The following GPATCH2 variants were observed in gnomAD, a reference collection of about 807,000 sequenced individuals.
GPATCH2 encodes the protein G-patch domain containing 2, also known as G patch domain-containing protein 2.
GPATCH2 carries 51 observed loss-of-function variants against 58.0 expected under a neutral mutation model. The ratio of observed to expected loss-of-function variants is 0.88; its 90% confidence interval spans 0.70 to 1.11. GPATCH2 has a LOEUF of 1.11. Among genes scored for constraint, GPATCH2 ranks in the 50% most tolerant of loss-of-function variants. The pLI, the probability that GPATCH2 is intolerant of heterozygous loss-of-function variation, is 0.00. For synonymous variants in GPATCH2, 222 were observed against 218.5 expected (o/e 1.02, Z -0.14); for missense variants, 625 against 652.2 (o/e 0.96, Z 0.45).
intron 5 of GPATCH2, among the ~76,000 whole-genome samples, chr1:217,550,106 G>T (rs969229732): frequency 3.3e-5 from 5 of 152,020 alleles, no homozygotes; most frequent in Non-Finnish European, 5.9e-5. Context: ...ATAAGACTTT[G>T]AGGCAGCATG....
chr1:217,520,640 A>G (rs114901151), intron 5 of GPATCH2, among the ~76,000 whole-genome samples: 3,146 of 152,298 alleles, frequency 0.021, 54 homozygotes, highest in Middle Eastern at 0.044. Flanking sequence ...AGTCAAGGTT[A>G]AAGTAAAAAT....
chr1:217,614,212 G>T lies in GPATCH2; in HGVS notation c.774-10C>A. 2.6e-6 allele frequency: 4 copies of T among 1,518,312 alleles called. No homozygotes were observed. Among genetic ancestry groups the T allele is most frequent in the Non-Finnish European group, 3.6e-6 (4 of 1,098,088 alleles). The allele number at this position is 1,518,312 out of a possible 1,614,324, so 94.1% of individuals were successfully genotyped here. On this transcript the variant is annotated splice_polypyrimidine_tract_variant and intron_variant, in intron 2 of 9. Transcript: ENST00000366935. ...GAGACTGCTGGAATCACTGTAATAA[G>T]GAAAAAGAAAGAAACAGATCAAAAG... is the stretch of plus-strand genomic sequence containing the variant.
chr1:217,572,050 G>A (rs929595342), intron 5 of GPATCH2, among the ~76,000 whole-genome samples: 2 of 151,780 alleles, frequency 1.3e-5, no homozygotes, highest in Non-Finnish European at 2.9e-5. Context: ...GGGAGGGAGA[G>A]GGAGAGAAAT....
In GPATCH2 at chr1:217,610,998, G is replaced by T; in HGVS notation, c.909C>A (p.Pro303=). 6.2e-7 allele frequency: 1 copy of T among 1,613,226 alleles called. No individual in the cohort carries two copies. The highest frequency in any genetic ancestry group is 8.5e-7 in the Non-Finnish European group (1 of 1,179,488). Residue 303 remains proline, a synonymous_variant, in exon 4 of 10, where the codon CCC becomes CCA. Coordinates refer to ENST00000366935, the MANE Select transcript of GPATCH2 (RefSeq NM_018040.5). The part of the protein sequence containing the change: ...GGACGITGVV[P]WWEKEDPTEL... ...CAGTAGGATCTTCCTTTTCCCACCA[G>T]GGCACAACTCCAGTGATACCACATG...
chr1:217,620,395 G>T lies in GPATCH2; in HGVS notation c.161C>A (p.Ser54Tyr), dbSNP rs1156526897. The T allele has an allele frequency of 6.2e-7, 1 of 1,613,948 alleles. No homozygotes were observed. The highest frequency in any genetic ancestry group is 1.7e-5 in the Admixed American group (1 of 60,006). ...TTTCAGAGGGCAAGATATACTTCGA[G>T]AATGGTCTCCTGTTTCAGCAAATCC... Reference protein sequence around the residue: ...RGGFAETGDHSRSISCPLKRQ... With the variant: ...RGGFAETGDHYRSISCPLKRQ... Residue 54 changes from serine to tyrosine, a missense_variant, in exon 2 of 10, where the codon TCT (serine) becomes TAT (tyrosine). By Grantham distance (144) the Ser-to-Tyr change is moderately radical. Transcript: ENST00000366935.
chr1:217,431,452 TG>T, intron 9 of GPATCH2, 87 bp from the exon 10 acceptor site: 1 of 793,084 alleles, frequency 1.3e-6, no homozygotes. Context: ...TCCTAAGTTT[TG>T]TTTTGTTTTG....
chr1:217,573,552 A>G lies in GPATCH2; in HGVS notation c.1098+36769T>C, dbSNP rs1165944224. On this transcript the variant is annotated intron_variant, in intron 5 of 9. Transcript: ENST00000366935. Reference sequence around the variant, plus strand: ...TAAACACAAACACACATAAAATGTGATTTTATTAAATTCAACAAACATGAA... The same window carrying G: ...TAAACACAAACACACATAAAATGTGGTTTTATTAAATTCAACAAACATGAA... Among the ~76,000 whole-genome samples the G allele has an allele frequency of 3.3e-5, 5 of 152,312 alleles. No homozygotes were observed. The East Asian group carries it at 7.7e-4, about 23-fold the overall frequency.
chr1:217,474,046 A>C (rs1027938823), intron 8 of GPATCH2, among the ~76,000 whole-genome samples: 3 of 152,238 alleles, frequency 2.0e-5, no homozygotes, highest in African/African-American at 7.2e-5. Context: ...TGTTATTTAC[A>C]ATAAACGTAT....
chr1:217,461,086 C>T (rs1660179402), intron 8 of GPATCH2, among the ~76,000 whole-genome samples: 1 of 152,012 alleles, frequency 6.6e-6, no homozygotes, highest in African/African-American at 2.4e-5. Flanking sequence ...TACTAAAGAG[C>T]AAAGAAAAAT....
intron 8 of GPATCH2, among the ~76,000 whole-genome samples, chr1:217,478,920 T>C (rs1661090000): frequency 6.6e-6 from 1 of 151,812 alleles, no homozygotes; most frequent in Non-Finnish European, 1.5e-5. Context: ...CTCCAATACA[T>C]GTGGCAGCAG....
At chr1:217,432,977 T>C (rs169085) in intron 9 of GPATCH2, among the ~76,000 whole-genome samples, 19,244 of 152,142 alleles carry the variant, frequency 0.13, 1,449 homozygotes, top group African/African-American at 0.2. Flanking sequence ...ATGTGGACCA[T>C]GTCTTCCTAG....
chr1:217,574,470 C>T (rs1410879974), intron 5 of GPATCH2, among the ~76,000 whole-genome samples: 1 of 152,114 alleles, frequency 6.6e-6, no homozygotes, highest in Non-Finnish European at 1.5e-5. Flanking sequence ...TGCGGAATGA[C>T]ATTCAGCAAC....
chr1:217,631,051 G>C lies in GPATCH2; in HGVS notation c.-80C>G. The C allele has an allele frequency of 7.4e-7, 1 of 1,343,496 alleles. No individual in the cohort carries two copies. Among genetic ancestry groups the C allele is most frequent in the South Asian group, 1.2e-5 (1 of 80,014 alleles). 83.2% of individuals were successfully genotyped at this position (1,343,496 alleles called of 1,614,324 possible). On this transcript the variant is annotated 5_prime_UTR_variant, in exon 1 of 10. Transcript: ENST00000366935. ...TACAACAGCACCGGCGACTTCCAAA[G>C]AGCAGTTCAGCATTTTGAGATGAGC...
chr1:217,629,589 T>C (rs1260925525), intron 1 of GPATCH2, among the ~76,000 whole-genome samples: 1 of 152,270 alleles, frequency 6.6e-6, no homozygotes, highest in South Asian at 2.1e-4. Flanking sequence ...CAGTGAAACA[T>C]TAAGACAGGT....
intron 9 of GPATCH2, among the ~76,000 whole-genome samples, chr1:217,437,737 G>A (rs972412909): frequency 1.3e-5 from 2 of 152,170 alleles, no homozygotes; most frequent in South Asian, 4.1e-4. Context: ...CCCCAGTAAG[G>A]GGCTTATAGA....
Position 217,594,783 on chromosome 1 carries a change from GTGTT to G in GPATCH2, c.1098+15534_1098+15537del, listed in dbSNP as rs138221732. Among the ~76,000 whole-genome samples, 368 of 152,232 alleles carry G rather than the reference GTGTT, an allele frequency of 2.4e-3. 1 individual carries two copies. Among genetic ancestry groups the G allele is most frequent in the Middle Eastern group, 0.024 (7 of 294 alleles). ...AGAAATAAGATAATCTAAAAAGAAA[GTGTT>G]TGTGTGTGCACATGTGTGTAAAGGT... On this transcript the variant is annotated intron_variant, in intron 5 of 9. Coordinates refer to ENST00000366935, the MANE Select transcript of GPATCH2 (RefSeq NM_018040.5).
At position 217,427,024 on chromosome 1, in the gene GPATCH2, T is replaced by C. The variant is rs1029107216; in HGVS notation, c.*4121A>G. The C allele has an allele frequency of 1.3e-5, 2 of 151,680 alleles. No homozygotes were observed. Among genetic ancestry groups the C allele is most frequent in the Non-Finnish European group, 2.9e-5 (2 of 67,934 alleles). The allele number at this position is 151,680 out of a possible 1,614,324, so 9.4% of individuals were successfully genotyped here. On this transcript the variant is annotated 3_prime_UTR_variant, in exon 10 of 10. Coordinates refer to ENST00000366935, the MANE Select transcript of GPATCH2 (RefSeq NM_018040.5). ...GGAGAAAAGATAAGTTTAATCAACA[T>C]AGTGAAATGCCTCTTACAGCAAACA...
chr1:217,485,267 A>G (rs1177923383), intron 8 of GPATCH2, among the ~76,000 whole-genome samples: 6 of 152,174 alleles, frequency 3.9e-5, no homozygotes, highest in Admixed American at 6.5e-5. Context: ...AATAGATTGT[A>G]TGATGCCCAT....
intron 5 of GPATCH2, among the ~76,000 whole-genome samples, chr1:217,596,058 G>A (rs1327938673): frequency 6.6e-6 from 1 of 152,022 alleles, no homozygotes; most frequent in African/African-American, 2.4e-5. Flanking sequence ...CCAAAGAATA[G>A]GAGAGAAAAC....
Sources: allele counts gnomAD v4.1 joint callset (sites outside exome capture counted in the v4.1 genomes callset), GRCh38; gene constraint gnomAD v4.1.1; transcripts MANE v1.5; gene names NCBI Gene and HGNC (gene_info 2026-07-23, HGNC 2026-07-21).